The following HDAC9 variants were observed in gnomAD, a reference collection of about 807,000 sequenced individuals.
HDAC9 encodes histone deacetylase 9, also known as MEF-2 interacting transcription repressor (MITR) protein.
In HDAC9, 41 loss-of-function variants were observed where a neutral mutation model predicts 139.4. That is an observed-to-expected ratio of 0.29 (90% CI 0.23 to 0.38). The LOEUF (loss-of-function observed/expected upper bound fraction) is 0.38, where lower values mean the gene tolerates loss of function less well. Ranked by LOEUF, HDAC9 falls within the 10% of genes least tolerant of loss-of-function variation. The pLI is 1.00. For missense variants in HDAC9, 1,147 were observed against 1,297.0 expected (o/e 0.88, Z 1.78); for synonymous variants, 517 against 476.2 (o/e 1.09, Z -1.12).
At chr7:18,347,298 C>A (rs1199008858) in intron 1 of HDAC9, among the ~76,000 whole-genome samples, 1 of 152,174 alleles carries the variant, frequency 6.6e-6, no homozygotes, top group Non-Finnish European at 1.5e-5. Flanking sequence ...ATTAGCAACA[C>A]TCTTAGTTGT....
chr7:18,152,179 G>T (rs906892474), intron 1 of HDAC9, among the ~76,000 whole-genome samples: 3 of 151,918 alleles, frequency 2.0e-5, no homozygotes, highest in African/African-American at 7.3e-5. Flanking sequence ...TAACACAGAG[G>T]CCCTGAATGT....
intron 6 of HDAC9, among the ~76,000 whole-genome samples, chr7:18,600,322 T>C (rs1304796567): frequency 1.3e-5 from 2 of 152,164 alleles, no homozygotes; most frequent in African/African-American, 4.8e-5. Flanking sequence ...AATATTTCCT[T>C]TCATCGATCA....
At chr7:18,520,514 A>C (rs1804698771) in intron 2 of HDAC9, among the ~76,000 whole-genome samples, 1 of 152,172 alleles carries the variant, frequency 6.6e-6, no homozygotes, top group Non-Finnish European at 1.5e-5. Flanking sequence ...CCATGTAGAC[A>C]TATGAGCTTT....
intron 21 of HDAC9, among the ~76,000 whole-genome samples, chr7:18,868,101 T>C (rs1016417734): frequency 1.3e-5 from 2 of 152,204 alleles, no homozygotes; most frequent in Non-Finnish European, 2.9e-5. Context: ...ATGTATATGT[T>C]TGTTTTAATC....
chr7:18,928,491 A>T (rs1451236061), intron 22 of HDAC9, among the ~76,000 whole-genome samples: 1 of 152,238 alleles, frequency 6.6e-6, no homozygotes, highest in African/African-American at 2.4e-5. Context: ...TAACACTAGA[A>T]TAAGATAAAC....
intron 7 of HDAC9, among the ~76,000 whole-genome samples, chr7:18,632,592 A>G (rs190613453): frequency 2.0e-5 from 3 of 152,218 alleles, no homozygotes; most frequent in East Asian, 3.9e-4. Context: ...TGAAAGGAGA[A>G]TAGGTGATTT....
rs185332125 is a variant in HDAC9, at chr7:18,756,870, C to T, written c.2044-5287C>T. Among the ~76,000 whole-genome samples the T allele has an allele frequency of 1.5e-3, 234 of 151,916 alleles. 2 individuals carry two copies. Among genetic ancestry groups the T allele is most frequent in the Middle Eastern group, 0.01 (3 of 294 alleles). On this transcript the variant is annotated intron_variant, in intron 14 of 25. Transcript: ENST00000686413. ...TGATTGCCTCCTTCCTTCTTTCACT[C>T]CCCAACCTTTTTTTTTTTTTATGAG...
intron 16 of HDAC9, among the ~76,000 whole-genome samples, chr7:18,778,716 C>G (rs533855515): frequency 6.6e-6 from 1 of 152,134 alleles, no homozygotes; most frequent in East Asian, 1.9e-4. Context: ...CTTGGTAAAT[C>G]TATGAGTCCC....
intron 3 of HDAC9, among the ~76,000 whole-genome samples, chr7:18,588,445 A>AG (rs1830046593): frequency 6.6e-6 from 1 of 152,210 alleles, no homozygotes; most frequent in African/African-American, 2.4e-5. Flanking sequence ...CAAGTCAAAA[A>AG]TATAAAATTC....
At chr7:18,873,353 T>C (rs1413200483) in intron 21 of HDAC9, among the ~76,000 whole-genome samples, 3 of 152,176 alleles carry the variant, frequency 2.0e-5, no homozygotes, top group African/African-American at 4.8e-5. Context: ...ACTTGAAGGA[T>C]AGAATTTTTA....
intron 17 of HDAC9, among the ~76,000 whole-genome samples, chr7:18,819,858 A>G (rs1198914531): frequency 2.0e-5 from 3 of 152,226 alleles, no homozygotes; most frequent in African/African-American, 7.2e-5. Context: ...CATTAAGTTG[A>G]CTGAAATCCA....
rs112793201 is a variant in HDAC9 at position 18,482,444 on chromosome 7, AT to A, written c.-41-13810del. ...TCTCCTTGGCTGCCACGTCTCAGGG[AT>A]TTTTTTTAAAAACTATTTTCCCCTT... is the stretch of plus-strand genomic sequence containing the variant. On this transcript the variant is annotated intron_variant, in intron 1 of 3. Coordinates refer to the HDAC9 transcript ENST00000413509. 7.9e-3 allele frequency among the ~76,000 whole-genome samples: 1,066 copies of A among 134,448 alleles called. 19 individuals carry two copies. The highest frequency in any genetic ancestry group is 0.029 in the African/African-American group (1,015 of 35,400). The allele number at this position is 134,448 out of a possible 152,430, so 88.2% of individuals were successfully genotyped here. A position where few individuals can be genotyped will look rare whatever the true frequency, so the allele number is the denominator to read the frequency against.
intron 23 of HDAC9, among the ~76,000 whole-genome samples, chr7:18,944,027 A>T (rs1022425297): frequency 7.2e-5 from 11 of 152,174 alleles, no homozygotes; most frequent in African/African-American, 2.7e-4. Context: ...TTATTTCAAG[A>T]ATGACTCATG....
At chr7:18,899,655 GA>G (rs1431567897) in intron 22 of HDAC9, among the ~76,000 whole-genome samples, 2 of 151,946 alleles carry the variant, frequency 1.3e-5, no homozygotes, top group Non-Finnish European at 2.9e-5. Flanking sequence ...TGAATACAGT[GA>G]GTTAATGATA....
chr7:18,213,621 C>G (rs1792101504), intron 2 of HDAC9, among the ~76,000 whole-genome samples: 1 of 152,128 alleles, frequency 6.6e-6, no homozygotes, highest in Non-Finnish European at 1.5e-5. Context: ...TAATTTTATT[C>G]AGCTCCTATT....
intron 2 of HDAC9, among the ~76,000 whole-genome samples, chr7:18,255,177 A>G (rs927136377): frequency 2.6e-5 from 4 of 152,206 alleles, no homozygotes; most frequent in African/African-American, 9.6e-5. Flanking sequence ...TTTTCAGGAT[A>G]TTAACAAAAA....
intron 1 of HDAC9, among the ~76,000 whole-genome samples, chr7:18,354,662 TTTC>T (rs1328564332): frequency 6.6e-6 from 1 of 152,210 alleles, no homozygotes; most frequent in Non-Finnish European, 1.5e-5. Context: ...CTATCTTTGC[TTTC>T]TTCTTTTGTC....
In HDAC9 at chr7:18,355,898, C is replaced by A. The variant is rs76231473; in HGVS notation, c.-42+65383C>A. ...GATAAACAAAGTAGACTCGTGATTTCCAAGGGCTGGGGCAGGAATGGGTGG... is the reference window on the plus strand; with the variant it reads ...GATAAACAAAGTAGACTCGTGATTTACAAGGGCTGGGGCAGGAATGGGTGG... On this transcript the variant is annotated intron_variant, in intron 1 of 3. Coordinates refer to the HDAC9 transcript ENST00000413509. Among the ~76,000 whole-genome samples the A allele has an allele frequency of 2.1e-3, 318 of 152,182 alleles. 1 individual carries two copies. Among genetic ancestry groups the A allele is most frequent in the Non-Finnish European group, 3.8e-3 (255 of 67,994 alleles).
At chr7:18,758,892 G>C (rs1022404660) in intron 14 of HDAC9, among the ~76,000 whole-genome samples, 4 of 151,794 alleles carry the variant, frequency 2.6e-5, no homozygotes, top group Non-Finnish European at 5.9e-5. Flanking sequence ...AGAAGCAGAA[G>C]GTGATTGCCA....
Sources: gnomAD v4.1 joint callset for allele counts (sites outside exome capture counted in the v4.1 genomes callset) on GRCh38, gnomAD v4.1.1 for gene constraint, MANE v1.5 for transcripts, NCBI Gene and HGNC (gene_info 2026-07-23, HGNC 2026-07-21) for gene names.